Variants in DMGDH observed in about 807,000 individuals in gnomAD.
The protein encoded by DMGDH is dimethylglycine dehydrogenase, also known as dimethylglycine dehydrogenase, mitochondrial.
A neutral mutation model predicts 95.2 loss-of-function variants in DMGDH; 76 were observed. The ratio of observed to expected loss-of-function variants is 0.80; its 90% confidence interval spans 0.66 to 0.97. The LOEUF is 0.97. Among genes scored for constraint, DMGDH ranks in the 50% least tolerant of loss-of-function variants. The pLI, the probability that DMGDH is intolerant of heterozygous loss-of-function variation, is 0.00. For missense variants in DMGDH, 987 were observed against 1,055.0 expected, an observed-to-expected ratio of 0.94 and a Z score of 0.89; for synonymous variants, 345 against 377.6, an observed-to-expected ratio of 0.91 and a Z score of 1.00.
chr5:79,034,113 A>T (rs966138965), intron 7 of DMGDH, among the ~76,000 whole-genome samples: 1 of 152,216 alleles, frequency 6.6e-6, no homozygotes, highest in African/African-American at 2.4e-5. Flanking sequence ...AGCTATGATT[A>T]TCCTGACTGG....
intron 3 of DMGDH, 37 bp downstream of exon 3, chr5:79,055,773 C>A: frequency 2.2e-6 from 3 of 1,363,286 alleles, no homozygotes; most frequent in Non-Finnish European, 3.1e-6. Flanking sequence ...TTCTGAGAAG[C>A]CGACCTAACA....
At chr5:79,043,351 G>C (rs1754567017) in intron 6 of DMGDH, among the ~76,000 whole-genome samples, 1 of 152,212 alleles carries the variant, frequency 6.6e-6, no homozygotes, top group South Asian at 2.1e-4. Context: ...CAGAGAGGGA[G>C]GCTCTCAGTG....
At chr5:79,040,126 G>A (rs1217036464) in intron 7 of DMGDH, among the ~76,000 whole-genome samples, 4 of 152,204 alleles carry the variant, frequency 2.6e-5, no homozygotes, top group East Asian at 1.9e-4. Flanking sequence ...GGTGTCTCCC[G>A]AGACTTGAGA....
Position 78,997,949 on chromosome 5 carries a change from A to T in DMGDH, c.*133T>A. 1 of 916,336 alleles carries T rather than the reference A, an allele frequency of 1.1e-6. No homozygotes were observed. Among genetic ancestry groups the T allele is most frequent in the Non-Finnish European group, 1.7e-6 (1 of 592,360 alleles). 56.8% of individuals were successfully genotyped at this position (916,336 alleles called of 1,614,324 possible). A position where few individuals can be genotyped will look rare whatever the true frequency, so the allele number is the denominator to read the frequency against. On this transcript the variant is annotated 3_prime_UTR_variant, in exon 16 of 16. Coordinates refer to ENST00000255189, the MANE Select transcript of DMGDH (RefSeq NM_013391.3). ...AAACACTTAACAGAAAGGTTTCATT[A>T]AGATTCTAAATTTAGACTTTGATGA...
chr5:79,033,418 A>G lies in DMGDH; in HGVS notation c.1194-10T>C. 6.2e-7 allele frequency: 1 copy of G among 1,614,066 alleles called. No homozygotes were observed. The highest frequency in any genetic ancestry group is 8.5e-7 in the Non-Finnish European group (1 of 1,180,012). On this transcript the variant is annotated splice_polypyrimidine_tract_variant and intron_variant, in intron 7 of 15. Coordinates refer to ENST00000255189, the MANE Select transcript of DMGDH (RefSeq NM_013391.3). ...GTGGATTATGCCATATCTTTCAAAT[A>G]CAGGGATAGAAAACCCATTACTAAC...
chr5:79,058,863 C>T (rs559426819), intron 2 of DMGDH, among the ~76,000 whole-genome samples: 5 of 152,240 alleles, frequency 3.3e-5, no homozygotes, highest in South Asian at 4.2e-4. Context: ...GATAGCATAA[C>T]GGATGCTAAC....
Position 79,042,270 on chromosome 5 carries a change from T to C in DMGDH, c.1193+13A>G, listed in dbSNP as rs1754530410. On this transcript the variant is annotated intron_variant, in intron 7 of 15. Transcript: ENST00000255189. ...ATTCTACAATAAATGTTGAATTACA[T>C]GAAGATACTTACCCAAAGCCTATAG... 1 of 1,611,620 alleles carries C rather than the reference T, an allele frequency of 6.2e-7. No homozygotes were observed. Among genetic ancestry groups the C allele is most frequent in the Non-Finnish European group, 8.5e-7 (1 of 1,177,706 alleles).
chr5:79,024,853 G>C (rs1453530579), intron 13 of DMGDH, among the ~76,000 whole-genome samples: 1 of 152,242 alleles, frequency 6.6e-6, no homozygotes, highest in Non-Finnish European at 1.5e-5. Flanking sequence ...TACCAAGTCA[G>C]GGCTAACGCC....
intron 15 of DMGDH, among the ~76,000 whole-genome samples, chr5:79,004,266 A>C (rs1394127949): frequency 2.0e-5 from 3 of 152,234 alleles, no homozygotes; most frequent in Non-Finnish European, 2.9e-5. Context: ...AGAACTCAGT[A>C]GATGTTAGTT....
intron 14 of DMGDH, among the ~76,000 whole-genome samples, chr5:79,018,547 AG>A (rs1400038017): frequency 6.6e-6 from 1 of 151,982 alleles, no homozygotes; most frequent in Non-Finnish European, 1.5e-5. Context: ...GGGATCACAA[AG>A]GGGCATGGAC....
In DMGDH at chr5:79,022,225, G is replaced by A. The variant is rs77356057; in HGVS notation, c.2250+2046C>T. 6.7e-3 allele frequency among the ~76,000 whole-genome samples: 1,017 copies of A among 152,216 alleles called. 10 individuals are homozygous for A. Among genetic ancestry groups the A allele is most frequent in the African/African-American group, 0.023 (952 of 41,532 alleles). The stretch of plus-strand genomic sequence containing the variant: ...GTTGCTTCTGTTCTCCTATAGCATC[G>A]ATTTTCCGAAGCAATTATAGGCTTA... On this transcript the variant is annotated intron_variant, in intron 14 of 15. Coordinates refer to ENST00000255189, the MANE Select transcript of DMGDH (RefSeq NM_013391.3).
At chr5:79,009,117 C>T (rs1719595677) in intron 14 of DMGDH, among the ~76,000 whole-genome samples, 1 of 151,894 alleles carries the variant, frequency 6.6e-6, no homozygotes, top group Non-Finnish European at 1.5e-5. Context: ...TGGCCGGAAC[C>T]TATTTTGAAT....
intron 5 of DMGDH, among the ~76,000 whole-genome samples, chr5:79,050,273 A>AAAAATATATAT (rs1554037270): frequency 2.4e-4 from 5 of 20,910 alleles, no homozygotes; most frequent in Non-Finnish European, 3.7e-4. Context: ...AAAAAAAAAA[A>AAAAATATATAT]ATATATATAT....
chr5:78,998,229 G>T lies in DMGDH; in HGVS notation c.2454C>A (p.Val818=), dbSNP rs1327620457. 6.2e-7 allele frequency: 1 copy of T among 1,614,028 alleles called. No homozygotes were observed. Among genetic ancestry groups the T allele is most frequent in the African/African-American group, 1.3e-5 (1 of 74,902 alleles). Residue 818 remains valine (V), a synonymous_variant, in exon 16 of 16, where the codon GTC becomes GTA. Transcript: ENST00000255189. ...GTCCCACTTCACTTAGTTGTACAGG[G>T]ACATATGCGAAAGCCAGACTCTTCT... ...SIQKSLAFAY[V]PVQLSEVGQQ...
At chr5:79,065,306 G>T (rs1398186369) in intron 1 of DMGDH, among the ~76,000 whole-genome samples, 7 of 150,410 alleles carry the variant, frequency 4.7e-5, no homozygotes, top group African/African-American at 1.5e-4. Context: ...CCACCCCCAA[G>T]GTTGAAGCGA....
chr5:79,046,192 T>C (rs1342195925), intron 5 of DMGDH, among the ~76,000 whole-genome samples: 1 of 152,174 alleles, frequency 6.6e-6, no homozygotes. Flanking sequence ...GTTCAAGCCA[T>C]TCTCCTGTCT....
intron 15 of DMGDH, among the ~76,000 whole-genome samples, chr5:78,999,684 A>G (rs916297785): frequency 6.6e-6 from 1 of 152,210 alleles, no homozygotes; most frequent in Admixed American, 6.5e-5. Context: ...ACCGTGAAAA[A>G]AGAAAACTTT....
At chr5:79,058,636 G>A (rs1211240689) in intron 2 of DMGDH, among the ~76,000 whole-genome samples, 4 of 152,214 alleles carry the variant, frequency 2.6e-5, no homozygotes, top group African/African-American at 9.6e-5. Flanking sequence ...TGGAAAAAGT[G>A]ATTGTAGCTG....
chr5:79,002,031 C>T (rs1753461379), intron 15 of DMGDH, among the ~76,000 whole-genome samples: 1 of 152,200 alleles, frequency 6.6e-6, no homozygotes, highest in Admixed American at 6.5e-5. Context: ...TTTGTTAAAA[C>T]AAACATTGAC....
Sources: gnomAD v4.1 joint callset for allele counts (sites outside exome capture counted in the v4.1 genomes callset) on GRCh38, gnomAD v4.1.1 for gene constraint, MANE v1.5 for transcripts, NCBI Gene and HGNC (gene_info 2026-07-23, HGNC 2026-07-21) for gene names.